CEP162: variants seen among roughly 807,000 people sequenced by gnomAD.
CEP162 encodes the protein centrosomal protein of 162 kDa.
Under a neutral mutation model 169.2 loss-of-function variants are expected in CEP162, and 141 were observed. That is an observed-to-expected ratio of 0.83 (90% CI 0.73 to 0.96). CEP162 has a LOEUF of 0.96. Ranked by LOEUF, CEP162 falls within the 40% of genes least tolerant of loss-of-function variation. CEP162 has a pLI of 0.00. For synonymous variants in CEP162, 540 were observed against 526.4 expected (o/e 1.03, Z -0.35); for missense variants, 1,600 against 1,587.2 (o/e 1.01, Z -0.14).
chr6:84,160,268 A>G (rs2099525229), intron 21 of CEP162, among the ~76,000 whole-genome samples: 1 of 152,232 alleles, frequency 6.6e-6, no homozygotes, highest in African/African-American at 2.4e-5. Context: ...AAATAAAAAA[A>G]TCTTTATTTT....
intron 18 of CEP162, among the ~76,000 whole-genome samples, chr6:84,167,133 G>A (rs1257133266): frequency 6.6e-6 from 1 of 152,102 alleles, no homozygotes; most frequent in East Asian, 1.9e-4. Context: ...ACCACTTCTA[G>A]AGAATCCTCA....
chr6:84,137,590 CTAA>C (rs2099514711), intron 25 of CEP162, among the ~76,000 whole-genome samples: 2 of 151,666 alleles, frequency 1.3e-5, no homozygotes, highest in African/African-American at 4.8e-5. Context: ...AATGTATATC[CTAA>C]TAATAGAAAA....
intron 6 of CEP162, among the ~76,000 whole-genome samples, chr6:84,210,957 A>G (rs2099549174): frequency 6.6e-6 from 1 of 152,100 alleles, no homozygotes; most frequent in South Asian, 2.1e-4. Flanking sequence ...GCTCAATAAT[A>G]CTCTTTAAAA....
intron 9 of CEP162, among the ~76,000 whole-genome samples, chr6:84,198,757 T>C (rs796444910): frequency 2.6e-5 from 4 of 152,270 alleles, no homozygotes; most frequent in African/African-American, 9.6e-5. Flanking sequence ...ATCTTAAAAA[T>C]GTGCTATGTA....
At chr6:84,158,074 T>C (rs545279154) in intron 21 of CEP162, among the ~76,000 whole-genome samples, 28 of 152,232 alleles carry the variant, frequency 1.8e-4, no homozygotes, top group Non-Finnish European at 3.2e-4. Context: ...CAGCTTATTA[T>C]ATATGCCTGT....
In CEP162 at chr6:84,155,429, C is replaced by T; in HGVS notation, c.2863G>A (p.Asp955Asn). 6.2e-7 allele frequency: 1 copy of T among 1,613,220 alleles called. No homozygotes were observed. The highest frequency in any genetic ancestry group is 8.5e-7 in the Non-Finnish European group (1 of 1,179,336). ...TCCACTGTATTTTTATCCACTGTAT[C>T]ACCAGCTGCTGATGCAGCCAATATT... Reference protein sequence around the residue: ...ALILAASAAGDTVDKNTVEFM... With the variant: ...ALILAASAAGNTVDKNTVEFM... Residue 955 changes from aspartate (D) to asparagine (N), a missense_variant, in exon 22 of 27, where the codon GAT (aspartate) becomes AAT (asparagine). By Grantham distance (23) the Asp-to-Asn change is conservative (BLOSUM62 1). Coordinates refer to ENST00000403245, the MANE Select transcript of CEP162 (RefSeq NM_014895.4).
At chr6:84,189,555 G>T (rs530153444) in intron 11 of CEP162, among the ~76,000 whole-genome samples, 1 of 152,176 alleles carries the variant, frequency 6.6e-6, no homozygotes, top group Non-Finnish European at 1.5e-5. Flanking sequence ...CAGCAGTGCT[G>T]GCCCACCGGC....
intron 9 of CEP162, among the ~76,000 whole-genome samples, chr6:84,199,020 C>T (rs937757599): frequency 1.3e-5 from 2 of 152,040 alleles, no homozygotes; most frequent in Admixed American, 1.3e-4. Flanking sequence ...GGTTTTAATG[C>T]TCATCTCAGA....
intron 13 of CEP162, among the ~76,000 whole-genome samples, chr6:84,176,182 C>T (rs186346295): frequency 5.1e-4 from 78 of 152,024 alleles, no homozygotes; most frequent in Middle Eastern, 3.4e-3. Flanking sequence ...ATTCAAGATG[C>T]TTTTTAAATG....
intron 25 of CEP162, among the ~76,000 whole-genome samples, chr6:84,140,622 C>T (rs2099516176): frequency 6.6e-6 from 1 of 152,194 alleles, no homozygotes; most frequent in South Asian, 2.1e-4. Flanking sequence ...AACTCCTGGG[C>T]TTAACCAATC....
chr6:84,205,817 T>C (rs2099546683), intron 6 of CEP162, among the ~76,000 whole-genome samples: 1 of 151,252 alleles, frequency 6.6e-6, no homozygotes, highest in Non-Finnish European at 1.5e-5. Flanking sequence ...ATATTTAGAA[T>C]ACCCCACTGT....
intron 26 of CEP162, among the ~76,000 whole-genome samples, chr6:84,125,723 CT>C (rs1324839895): frequency 3.9e-5 from 6 of 152,112 alleles, no homozygotes; most frequent in Non-Finnish European, 8.8e-5. Context: ...AGGTGGCTAT[CT>C]GCAAGCTGGA....
intron 7 of CEP162, among the ~76,000 whole-genome samples, chr6:84,202,518 C>CTTTTTTTTTT (rs70987776): frequency 4.4e-5 from 4 of 90,772 alleles, no homozygotes; most frequent in East Asian, 3.0e-4. Flanking sequence ...TTCTTTCTTT[C>CTTTTTTTTTT]TTTTTTTTTT....
At chr6:84,163,033 A>G (rs1386940541) in intron 19 of CEP162, 111 bp downstream of exon 19, 2 of 1,011,838 alleles carry the variant, frequency 2.0e-6, no homozygotes, top group African/African-American at 1.6e-5. Flanking sequence ...TAAAATTACA[A>G]TATACTTCAA....
At chr6:84,186,107 A>C (rs1202693562) in intron 12 of CEP162, among the ~76,000 whole-genome samples, 6 of 152,176 alleles carry the variant, frequency 3.9e-5, no homozygotes, top group Admixed American at 2.6e-4. Flanking sequence ...AAAATGTATA[A>C]AGAATGGCTT....
At chr6:84,164,805 A>G (rs985601666) in intron 18 of CEP162, among the ~76,000 whole-genome samples, 2 of 152,170 alleles carry the variant, frequency 1.3e-5, no homozygotes, top group African/African-American at 4.8e-5. Flanking sequence ...TGGCACATGT[A>G]TACCTATGTA....
intron 25 of CEP162, among the ~76,000 whole-genome samples, chr6:84,134,302 G>T (rs1194419806): frequency 2.0e-5 from 3 of 152,188 alleles, no homozygotes; most frequent in Non-Finnish European, 4.4e-5. Context: ...CTCTGTGGGG[G>T]TGGGAATCTG....
At chr6:84,192,610 A>T (rs1243764639) in intron 11 of CEP162, among the ~76,000 whole-genome samples, 2 of 152,256 alleles carry the variant, frequency 1.3e-5, no homozygotes, top group Admixed American at 6.5e-5. Context: ...GATTTACATC[A>T]TGAGGATACA....
In CEP162 at chr6:84,215,434, A is replaced by C. The variant is rs1466099116; in HGVS notation, c.351T>G (p.Ser117Arg). The change falls in exon 5 of 27, where the codon AGT (serine) becomes AGG (arginine). Residue 117 changes from serine (S) to arginine (R), a missense_variant. Ser to Arg is a moderately radical substitution (Grantham distance 110). Transcript: ENST00000403245. ...CTAATGTGTCCAATCCCACTCCGAG[A>C]CTACTATGGTTGAGCTCAGAAACTA... ...ELVVSELNHS[S>R]LGVGLDTLEE... 1 of 1,605,404 alleles carries C rather than the reference A, an allele frequency of 6.2e-7. No individual in the cohort carries two copies. Among genetic ancestry groups the C allele is most frequent in the Admixed American group, 1.7e-5 (1 of 58,668 alleles).
Sources: allele counts gnomAD v4.1 joint callset (sites outside exome capture counted in the v4.1 genomes callset), GRCh38; gene constraint gnomAD v4.1.1; transcripts MANE v1.5; gene names NCBI Gene and HGNC (gene_info 2026-07-23, HGNC 2026-07-21).